KCNQ1: variants seen among roughly 807,000 people sequenced by gnomAD.
KCNQ1 encodes the protein potassium voltage-gated channel subfamily Q member 1, also known as potassium voltage-gated channel subfamily KQT member 1.
A neutral mutation model predicts 72.4 loss-of-function variants in KCNQ1; 49 were observed. The observed-to-expected ratio is 0.68, with a 90% confidence interval of 0.54 to 0.86. The LOEUF (loss-of-function observed/expected upper bound fraction) is 0.86. KCNQ1 is among the 40% of genes least tolerant of loss of function. The pLI is 0.00. For synonymous variants in KCNQ1, 450 were observed against 412.6 expected, an observed-to-expected ratio of 1.09 and a Z score of -1.10; for missense variants, 790 against 945.1, an observed-to-expected ratio of 0.84 and a Z score of 2.15.
In KCNQ1 at chr11:2,579,990, A is replaced by G. The variant is rs1475898175; in HGVS notation, c.922-3445A>G. 6.6e-6 allele frequency among the ~76,000 whole-genome samples: 1 copy of G among 152,202 alleles called. No homozygotes were observed. The highest frequency in any genetic ancestry group is 1.5e-5 in the Non-Finnish European group (1 of 68,034). Reference sequence around the variant, plus strand: ...TCCACCTTCATCATGCAGTTTCTGTATTAGATTTTTAAATAATCAAAATAT... The same window carrying G: ...TCCACCTTCATCATGCAGTTTCTGTGTTAGATTTTTAAATAATCAAAATAT... On this transcript the variant is annotated intron_variant, in intron 6 of 15. Coordinates refer to ENST00000155840, the MANE Select transcript of KCNQ1 (RefSeq NM_000218.3). The surrounding 1 kb of genome is among the most constrained non-coding windows in gnomAD (Gnocchi z 6.0).
Position 2,647,229 on chromosome 11 carries a change from G to C in KCNQ1, c.1394-14732G>C, listed in dbSNP as rs992900161. ...ATGCTTTTTCTGCATCTATTGAGAT[G>C]ATCATGTATTTTTTTGTCCTTCCTT... On this transcript the variant is annotated intron_variant, in intron 10 of 15. Coordinates refer to ENST00000155840, the MANE Select transcript of KCNQ1 (RefSeq NM_000218.3). This position sits in a 1 kb window ranked among gnomAD's most constrained non-coding sequence, Gnocchi z 4.0. The C allele has an allele frequency of 5.0e-6, 2 of 398,340 alleles. No individual in the cohort carries two copies. The highest frequency in any genetic ancestry group is 8.8e-6 in the Non-Finnish European group (2 of 226,008). The allele number at this position is 398,340 out of a possible 1,614,324, so 24.7% of individuals were successfully genotyped here.
Position 2,756,981 on chromosome 11 carries a change from A to AAAC in KCNQ1, c.1515-11863_1515-11862insAAC, listed in dbSNP as rs58902386. Among the ~76,000 whole-genome samples, 128 of 115,216 alleles carry AAAC rather than the reference A, an allele frequency of 1.1e-3. 2 individuals are homozygous for AAAC. Among genetic ancestry groups the AAAC allele is most frequent in the East Asian group, 1.5e-3 (5 of 3,262 alleles). The allele number at this position is 115,216 out of a possible 152,430, so 75.6% of individuals were successfully genotyped here. On this transcript the variant is annotated intron_variant, in intron 11 of 15. Coordinates refer to ENST00000155840, the MANE Select transcript of KCNQ1 (RefSeq NM_000218.3). Reference sequence around the variant, plus strand: ...AAAAAAAAAAAAAAAAAAAAAAAAAACCCACAGCTAACATCACATCACACT... The same window carrying AAAC: ...AAAAAAAAAAAAAAAAAAAAAAAAAAAACCCCACAGCTAACATCACATCACACT...
intron 2 of KCNQ1, among the ~76,000 whole-genome samples, chr11:2,557,485 T>G (rs1848089469): frequency 6.6e-6 from 1 of 152,248 alleles, no homozygotes; most frequent in Non-Finnish European, 1.5e-5. Context: ...GTTCTTGTTA[T>G]CTATAGCCAT....
chr11:2,835,135 G>T (rs539749893), intron 15 of KCNQ1, among the ~76,000 whole-genome samples: 1 of 152,200 alleles, frequency 6.6e-6, no homozygotes, highest in Non-Finnish European at 1.5e-5. Flanking sequence ...CTGCAAACCG[G>T]CCCTGGCTGA....
At chr11:2,641,814 T>C in intron 10 of KCNQ1, 1 of 398,464 alleles carries the variant, frequency 2.5e-6, no homozygotes, top group East Asian at 3.6e-5. Flanking sequence ...TTGATTTTAG[T>C]ATAGCAAGAG....
At chr11:2,773,776 G>A (rs1197638675) in intron 12 of KCNQ1, among the ~76,000 whole-genome samples, 1 of 150,264 alleles carries the variant, frequency 6.7e-6, no homozygotes, top group African/African-American at 2.5e-5. Flanking sequence ...GGAGAATCAA[G>A]GCTCAGCATT....
intron 1 of KCNQ1, among the ~76,000 whole-genome samples, chr11:2,465,358 T>G (rs1266063183): frequency 6.6e-6 from 1 of 152,170 alleles, no homozygotes; most frequent in Admixed American, 6.5e-5. Context: ...TCTTGGGCAG[T>G]GCACTGTCCC....
chr11:2,699,652 C>T (rs879871184), intron 11 of KCNQ1: 12 of 357,294 alleles, frequency 3.4e-5, no homozygotes, highest in Non-Finnish European at 5.0e-5. Flanking sequence ...ACAACCGCGC[C>T]GAAGAACCCC....
At chr11:2,573,665 G>C (rs1011935987) in intron 6 of KCNQ1, among the ~76,000 whole-genome samples, 2 of 151,980 alleles carry the variant, frequency 1.3e-5, no homozygotes, top group African/African-American at 4.8e-5. Flanking sequence ...CGGCCACCTA[G>C]AGCAGCCCGG....
rs974550620 is a variant in KCNQ1, at chr11:2,495,044, G to C, written c.387-32884G>C. On this transcript the variant is annotated intron_variant, in intron 1 of 15. Coordinates refer to ENST00000155840, the MANE Select transcript of KCNQ1 (RefSeq NM_000218.3). This position sits in a 1 kb window ranked among gnomAD's most constrained non-coding sequence, Gnocchi z 4.6. ...TTGTTGTTGGTCTATTCAGGGATTC[G>C]ACTTTTTCCTGGTTTAGTCTTGGAG... Among the ~76,000 whole-genome samples the C allele has an allele frequency of 2.0e-5, 3 of 152,016 alleles. No individual in the cohort carries two copies. The highest frequency in any genetic ancestry group is 4.4e-5 in the Non-Finnish European group (3 of 67,994).
Position 2,544,324 on chromosome 11 carries a change from GTA to G in KCNQ1, c.477+16314_477+16315del, listed in dbSNP as rs891514584. Among the ~76,000 whole-genome samples the G allele has an allele frequency of 3.6e-4, 52 of 142,774 alleles. No individual in the cohort carries two copies. Among genetic ancestry groups the G allele is most frequent in the African/African-American group, 1.2e-3 (43 of 35,912 alleles). The allele number at this position is 142,774 out of a possible 152,430, so 93.7% of individuals were successfully genotyped here. On this transcript the variant is annotated intron_variant, in intron 2 of 15. Coordinates refer to ENST00000155840, the MANE Select transcript of KCNQ1 (RefSeq NM_000218.3). This position sits in a 1 kb window ranked among gnomAD's most constrained non-coding sequence, Gnocchi z 4.4. Reference sequence around the variant, plus strand: ...TATGTGTATATATGTATATATCTATGTATATATATGTGTATGTATATGTATAT... The same window carrying G: ...TATGTGTATATATGTATATATCTATGTATATATGTGTATGTATATGTATAT...
Position 2,673,785 on chromosome 11 carries a change from T to C in KCNQ1, c.1514+11704T>C, listed in dbSNP as rs1187736793. On this transcript the variant is annotated intron_variant, in intron 11 of 15. Coordinates refer to ENST00000155840, the MANE Select transcript of KCNQ1 (RefSeq NM_000218.3). This position sits in a 1 kb window ranked among gnomAD's most constrained non-coding sequence, Gnocchi z 4.5. ...TTGCTGGTATGTTGGGAAGCTCTGG[T>C]GCAAAGGGCAGTGATGGCCCTTCAA... The C allele has an allele frequency of 2.5e-6, 1 of 398,546 alleles. No individual in the cohort carries two copies. The highest frequency in any genetic ancestry group is 3.6e-5 in the East Asian group (1 of 28,086). 24.7% of individuals were successfully genotyped at this position (398,546 alleles called of 1,614,324 possible).
Position 2,544,981 on chromosome 11 carries a change from A to T in KCNQ1, c.477+16963A>T, listed in dbSNP as rs7129955. Among the ~76,000 whole-genome samples, 69,047 of 152,016 alleles carry T rather than the reference A, an allele frequency of 0.45. 18,208 individuals carry two copies. The highest frequency in any genetic ancestry group is 0.72 in the African/African-American group (29,866 of 41,438). ...AAGGAAACGTCCCCTCTAATACTAT[A>T]GCTGAGAGCTTTTAATATGAATGGG... On this transcript the variant is annotated intron_variant, in intron 2 of 15. Transcript: ENST00000155840. This position sits in a 1 kb window ranked among gnomAD's most constrained non-coding sequence, Gnocchi z 4.4.
In KCNQ1 at chr11:2,537,023, G is replaced by A. The variant is rs1008860718; in HGVS notation, c.477+9005G>A. Among the ~76,000 whole-genome samples the A allele has an allele frequency of 2.6e-5, 4 of 151,964 alleles. No individual in the cohort carries two copies. In the East Asian group the frequency reaches 7.7e-4, roughly 29 times the overall value. Reference sequence around the variant, plus strand: ...TAAGGACACCAGTCTTACTGGATTGGAGGCTACCCTACTCCACTGTGACCC... The same window carrying A: ...TAAGGACACCAGTCTTACTGGATTGAAGGCTACCCTACTCCACTGTGACCC... On this transcript the variant is annotated intron_variant, in intron 2 of 15. Coordinates refer to ENST00000155840, the MANE Select transcript of KCNQ1 (RefSeq NM_000218.3). The surrounding 1 kb of genome is among the most constrained non-coding windows in gnomAD (Gnocchi z 5.2).
chr11:2,585,374 C>T (rs1277060381), intron 8 of KCNQ1, 67 bp downstream of exon 8: 47 of 1,386,388 alleles, frequency 3.4e-5, no homozygotes, highest in East Asian at 1.6e-4. Flanking sequence ...CCAGCCCTCA[C>T]GGCCACCTGT....
At chr11:2,485,030 G>A (rs1020852420) in intron 1 of KCNQ1, among the ~76,000 whole-genome samples, 11 of 152,202 alleles carry the variant, frequency 7.2e-5, no homozygotes, top group Admixed American at 3.3e-4. Flanking sequence ...AGAGCCTGGC[G>A]CCTGTGCATG....
At chr11:2,697,029 C>T (rs1198694976) in intron 11 of KCNQ1, 2 of 398,248 alleles carry the variant, frequency 5.0e-6, no homozygotes, top group Non-Finnish European at 8.8e-6. Flanking sequence ...TCCAGAGAGC[C>T]CCCCAGACCC....
intron 11 of KCNQ1, among the ~76,000 whole-genome samples, chr11:2,702,950 C>T (rs552425128): frequency 2.0e-5 from 3 of 152,342 alleles, no homozygotes; most frequent in African/African-American, 7.2e-5. Context: ...TTGTGTGCCC[C>T]CACTCCCGCC....
At chr11:2,529,911 G>A (rs1229883770) in intron 2 of KCNQ1, among the ~76,000 whole-genome samples, 2 of 152,178 alleles carry the variant, frequency 1.3e-5, no homozygotes, top group Non-Finnish European at 2.9e-5. Flanking sequence ...TGGTTTTACG[G>A]TGACCATGTG....
Sources: gnomAD v4.1 joint callset for allele counts (sites outside exome capture counted in the v4.1 genomes callset) on GRCh38, gnomAD v4.1.1 for gene constraint, Gnocchi (gnomAD v3.1) non-coding constraint, MANE v1.5 for transcripts, NCBI Gene and HGNC (gene_info 2026-07-23, HGNC 2026-07-21) for gene names.